PPM1M: variants seen among roughly 807,000 people sequenced by gnomAD.
PPM1M encodes protein phosphatase 1M.
Under a neutral mutation model 50.8 loss-of-function variants are expected in PPM1M, and 44 were observed. The ratio of observed to expected loss-of-function variants is 0.87; its 90% CI spans 0.68 to 1.11. PPM1M has a LOEUF of 1.11. Among genes scored for constraint, PPM1M ranks in the 50% most tolerant of loss-of-function variants. The pLI is 0.00. For missense variants in PPM1M, 556 were observed against 593.4 expected (o/e 0.94, Z 0.66); for synonymous variants, 224 against 242.9 (o/e 0.92, Z 0.72).
chr3:52,246,501 T>C, intron 1 of PPM1M, 194 bp from the exon 2 acceptor site: 2 of 556,510 alleles, frequency 3.6e-6, no homozygotes, highest in Non-Finnish European at 5.5e-6. Context: ...AGCTGGGCCC[T>C]GACTTTTACC....
chr3:52,248,812 C>CT, intron 7 of PPM1M, 112 bp downstream of exon 7: 1 of 1,359,370 alleles, frequency 7.4e-7, no homozygotes, highest in Non-Finnish European at 1.0e-6. Context: ...GGGATTTGCT[C>CT]TGAGACTAGG....
At chr3:52,246,163 G>GC (rs762423387) in intron 1 of PPM1M, 115 bp downstream of exon 1, 14 of 1,020,088 alleles carry the variant, frequency 1.4e-5, no homozygotes, top group Non-Finnish European at 1.6e-5. Context: ...CCTGTGGACA[G>GC]CCCCTTCTTG....
Position 52,247,761 on chromosome 3 carries a change from G to A in PPM1M, c.677G>A (p.Gly226Glu), listed in dbSNP as rs1699885463. 4 of 1,459,728 alleles carry A rather than the reference G, an allele frequency of 2.7e-6. No homozygotes were observed. Among genetic ancestry groups the A allele is most frequent in the Admixed American group, 3.7e-5 (2 of 53,892 alleles). The allele number at this position is 1,459,728 out of a possible 1,614,324, so 90.4% of individuals were successfully genotyped here. The change falls in exon 4 of 10, where the codon GGA becomes GAA. Residue 226 changes from glycine to glutamate, a missense_variant. By Grantham distance (98) the Gly-to-Glu change is moderately conservative. Coordinates refer to ENST00000323588, the MANE Select transcript of PPM1M (RefSeq NM_144641.4). ...GCCCTGGTGGCTGTGTCCCTGCAGGGAAAGCTGTACATGGCCAATGCTGGG... is the reference window on the plus strand; with the variant it reads ...GCCCTGGTGGCTGTGTCCCTGCAGGAAAAGCTGTACATGGCCAATGCTGGG... The part of the protein sequence containing the change: ...CTALVAVSLQ[G>E]KLYMANAGDS...
rs1256717763 is a variant in PPM1M at position 52,250,089 on chromosome 3, T to C, written c.*275T>C. ...TTACAACTTAACTAGGAAACCCATG[T>C]GAGGCTCCTCAGACAGGATCTTGAA... On this transcript the variant is annotated 3_prime_UTR_variant, in exon 10 of 10. Coordinates refer to ENST00000323588, the MANE Select transcript of PPM1M (RefSeq NM_144641.4). 2 of 401,710 alleles carry C rather than the reference T, an allele frequency of 5.0e-6. No individual in the cohort carries two copies. Among genetic ancestry groups the C allele is most frequent in the Non-Finnish European group, 9.3e-6 (2 of 214,352 alleles). 24.9% of individuals were successfully genotyped at this position (401,710 alleles called of 1,614,324 possible). A position where few individuals can be genotyped will look rare whatever the true frequency, so the allele number is the denominator to read the frequency against.
intron 3 of PPM1M, 58 bp from the exon 4 acceptor site, chr3:52,247,624 G>A: frequency 1.6e-5 from 19 of 1,177,396 alleles, no homozygotes; most frequent in Non-Finnish European, 2.2e-5. Context: ...GGGATTGAGA[G>A]ACAAAGTAGT....
Position 52,248,708 on chromosome 3 carries a change from C to T in PPM1M, c.978+8C>T. 2 of 1,613,346 alleles carry T rather than the reference C, an allele frequency of 1.2e-6. No individual in the cohort carries two copies. The highest frequency in any genetic ancestry group is 1.7e-6 in the Non-Finnish European group (2 of 1,179,354). ...CATGGACAGGGTAGGCAGGTCAGTG[C>T]CTGGTCCTCCTCAACCCCAAGAATC... On this transcript the variant is annotated splice_region_variant and intron_variant, in intron 7 of 9. Coordinates refer to ENST00000323588, the MANE Select transcript of PPM1M (RefSeq NM_144641.4).
intron 4 of PPM1M, 87 bp from the exon 5 acceptor site, chr3:52,248,056 CTGGATCCTGG>C (rs1013936362): frequency 1.9e-6 from 2 of 1,063,142 alleles, no homozygotes; most frequent in African/African-American, 3.1e-5. Context: ...ATGGACAGAG[CTGGATCCTGG>C]TGGTTGGAGG....
rs374330748 is a variant in PPM1M at position 52,248,247 on chromosome 3, C to T, written c.795+10C>T. 1 of 1,612,152 alleles carries T rather than the reference C, an allele frequency of 6.2e-7. No homozygotes were observed. Among genetic ancestry groups the T allele is most frequent in the Non-Finnish European group, 8.5e-7 (1 of 1,179,102 alleles). ...GCGGATCCAGCAGCTGGTAGGTGCCCTTGGCAGCATGGAGGCTGTGAAGCT... is the reference window on the plus strand; with the variant it reads ...GCGGATCCAGCAGCTGGTAGGTGCCTTTGGCAGCATGGAGGCTGTGAAGCT... On this transcript the variant is annotated intron_variant, in intron 5 of 9. Coordinates refer to ENST00000323588, the MANE Select transcript of PPM1M (RefSeq NM_144641.4).
At chr3:52,248,065 G>A (rs1182256498) in intron 4 of PPM1M, 88 bp from the exon 5 acceptor site, 3 of 1,122,900 alleles carry the variant, frequency 2.7e-6, no homozygotes, top group Non-Finnish European at 4.0e-6. Context: ...GCTGGATCCT[G>A]GTGGTTGGAG....
intron 1 of PPM1M, chr3:52,246,424 G>A: frequency 9.7e-7 from 1 of 1,029,016 alleles, no homozygotes; most frequent in Non-Finnish European, 1.2e-6. Context: ...GGCTGCGACA[G>A]GACAGGGGCA....
rs1175854931 is a variant in PPM1M, at chr3:52,250,026, T to G, written c.*212T>G. The stretch of plus-strand genomic sequence containing the variant: ...ATGGAGAGCCCAGCCCACCAGGTCC[T>G]GCCTTTTGCGGTGATAACCTTCTCT... On this transcript the variant is annotated 3_prime_UTR_variant, in exon 10 of 10. Coordinates refer to ENST00000323588, the MANE Select transcript of PPM1M (RefSeq NM_144641.4). 3.7e-6 allele frequency: 2 copies of G among 535,894 alleles called. No homozygotes were observed. Among genetic ancestry groups the G allele is most frequent in the African/African-American group, 3.8e-5 (2 of 53,242 alleles). 33.2% of individuals were successfully genotyped at this position (535,894 alleles called of 1,614,324 possible).
Position 52,246,776 on chromosome 3 carries a change from G to T in PPM1M, c.306G>T (p.Gly102=). ...GKLCIRRCEF[G]AEEEWLTLCP... is the part of the protein sequence containing the mutation. ...TGTGCATCCGGAGATGTGAGTTTGG[G>T]GCTGAAGAAGAGTGGCTGACCCTGT... is the stretch of plus-strand genomic sequence containing the variant. Residue 102 remains glycine, a synonymous_variant, in exon 2 of 10, where the codon GGG becomes GGT. Coordinates refer to ENST00000323588, the MANE Select transcript of PPM1M (RefSeq NM_144641.4). The T allele has an allele frequency of 7.4e-7, 1 of 1,359,534 alleles. No homozygotes were observed. Among genetic ancestry groups the T allele is most frequent in the Non-Finnish European group, 9.8e-7 (1 of 1,025,398 alleles). 84.2% of individuals were successfully genotyped at this position (1,359,534 alleles called of 1,614,324 possible).
At chr3:52,248,523 C>A in intron 6 of PPM1M, 70 bp downstream of exon 6, 1 of 1,584,482 alleles carries the variant, frequency 6.3e-7, no homozygotes, top group Non-Finnish European at 8.7e-7. Flanking sequence ...TGGCCTGGGG[C>A]CCCCCTCCAC....
intron 4 of PPM1M, 68 bp from the exon 5 acceptor site, chr3:52,248,085 G>A: frequency 1.5e-6 from 2 of 1,343,458 alleles, no homozygotes; most frequent in Non-Finnish European, 2.1e-6. Context: ...GGAGGGACTG[G>A]TAGGAGGGTG....
chr3:52,246,082 C>T (rs570671469), intron 1 of PPM1M, 34 bp downstream of exon 1: 43 of 1,062,302 alleles, frequency 4.0e-5, no homozygotes, highest in Non-Finnish European at 4.7e-5. Flanking sequence ...AGCTCAGGCC[C>T]GGGCCTGAAC....
At chr3:52,247,621 A>G (rs1294555155) in intron 3 of PPM1M, 61 bp from the exon 4 acceptor site, 3 of 1,127,862 alleles carry the variant, frequency 2.7e-6, no homozygotes, top group Non-Finnish European at 3.9e-6. Flanking sequence ...GTGGGGATTG[A>G]GAGACAAAGT....
At position 52,247,896 on chromosome 3, in the gene PPM1M, AT is replaced by A; in HGVS notation, c.710+104del. On this transcript the variant is annotated intron_variant, in intron 4 of 9. Transcript: ENST00000323588. ...TGGAAGTGGAGGGATAGTAGGAAGG[AT>A]TGACTGGCTGAATTGTGTGTGTACT... 4.9e-6 allele frequency: 4 copies of A among 814,028 alleles called. No homozygotes were observed. In the South Asian group the frequency reaches 6.1e-5, roughly 12 times the overall value. The allele number at this position is 814,028 out of a possible 1,614,324, so 50.4% of individuals were successfully genotyped here.
At chr3:52,249,085 AC>A in intron 8 of PPM1M, 22 bp downstream of exon 8, 1 of 1,608,006 alleles carries the variant, frequency 6.2e-7, no homozygotes, top group Non-Finnish European at 8.5e-7. Context: ...ACGCTGTCCA[AC>A]CCAGCTTCCA....
rs758369259 is a variant in PPM1M at position 52,246,996 on chromosome 3, C to T, written c.365C>T (p.Ala122Val). ...PEEFLTGHYWALFDGHGGPAA... is the reference protein window; with the variant it reads ...PEEFLTGHYWVLFDGHGGPAA... Reference sequence around the variant, plus strand: ...CAGTTCCTGACAGGCCATTACTGGGCACTGTTCGATGGGCACGGCGGTCCT... The same window carrying T: ...CAGTTCCTGACAGGCCATTACTGGGTACTGTTCGATGGGCACGGCGGTCCT... The change falls in exon 3 of 10, where the codon GCA (alanine) becomes GTA (valine). Residue 122 changes from alanine (A) to valine (V), a missense_variant. Physicochemically the swap from Ala to Val is moderately conservative, Grantham distance 64. Transcript: ENST00000323588. The T allele has an allele frequency of 3.2e-6, 5 of 1,546,690 alleles. No individual in the cohort carries two copies. In the South Asian group the frequency reaches 3.6e-5, roughly 11 times the overall value.
Sources: allele counts gnomAD v4.1 joint callset, GRCh38; gene constraint gnomAD v4.1.1; transcripts MANE v1.5; gene names NCBI Gene and HGNC (gene_info 2026-07-23, HGNC 2026-07-21).